Variants in CADM1 observed in about 807,000 individuals in gnomAD.
CADM1 encodes the protein TSLC-1.
Under a neutral mutation model 53.1 loss-of-function variants are expected in CADM1, and 15 were observed. The observed-to-expected ratio is 0.28, with a 90% CI of 0.19 to 0.44. CADM1 has a LOEUF of 0.44. Among genes scored for constraint, CADM1 ranks in the 20% least tolerant of loss-of-function variants. CADM1 has a pLI of 1.00. For missense variants in CADM1, 434 were observed against 611.3 expected, an observed-to-expected ratio of 0.71 and a Z score of 3.06; for synonymous variants, 281 against 243.0, an observed-to-expected ratio of 1.16 and a Z score of -1.45.
intron 1 of CADM1, among the ~76,000 whole-genome samples, chr11:115,373,038 C>T (rs1358852252): frequency 6.6e-6 from 1 of 152,202 alleles, no homozygotes; most frequent in Non-Finnish European, 1.5e-5. Context: ...TTATCAAATG[C>T]AGAGTTGCCT....
At chr11:115,433,445 G>A (rs963701013) in intron 1 of CADM1, among the ~76,000 whole-genome samples, 1 of 152,042 alleles carries the variant, frequency 6.6e-6, no homozygotes. Context: ...TCACTCCAAG[G>A]GCAAACCTTT....
chr11:115,169,543 C>T lies in CADM1; in HGVS notation c.*6931G>A, dbSNP rs749958016. On this transcript the variant is annotated 3_prime_UTR_variant, in exon 12 of 12. Transcript: ENST00000331581. ...TGGCATTTTCCCTTCCTTGTCCAAA[C>T]GATAAAAGATTCATGTTCCTAATTG... The T allele has an allele frequency of 1.1e-4, 51 of 453,434 alleles. No homozygotes were observed. The highest frequency in any genetic ancestry group is 7.6e-4 in the African/African-American group (38 of 49,988). 28.1% of individuals were successfully genotyped at this position (453,434 alleles called of 1,614,324 possible). A position where few individuals can be genotyped will look rare whatever the true frequency, so the allele number is the denominator to read the frequency against.
intron 9 of CADM1, among the ~76,000 whole-genome samples, chr11:115,198,048 C>A (rs1446944032): frequency 2.0e-5 from 3 of 152,168 alleles, no homozygotes; most frequent in Admixed American, 6.5e-5. Flanking sequence ...AACAAAGCAA[C>A]TGGGCCTTTA....
intron 6 of CADM1, among the ~76,000 whole-genome samples, chr11:115,216,148 A>G (rs952301529): frequency 6.6e-6 from 1 of 152,220 alleles, no homozygotes; most frequent in African/African-American, 2.4e-5. Context: ...TTTAATGGCA[A>G]GTTAAATTAC....
At chr11:115,395,713 G>A (rs1228571244) in intron 1 of CADM1, among the ~76,000 whole-genome samples, 3 of 152,092 alleles carry the variant, frequency 2.0e-5, no homozygotes, top group Non-Finnish European at 2.9e-5. Context: ...ATAAGGGGAA[G>A]GATATTAAAA....
At chr11:115,302,172 G>A (rs1944243018) in intron 1 of CADM1, among the ~76,000 whole-genome samples, 1 of 151,942 alleles carries the variant, frequency 6.6e-6, no homozygotes, top group South Asian at 2.1e-4. Flanking sequence ...GTGGAAGGAG[G>A]GAGCGTATCA....
At chr11:115,340,218 A>G (rs1945391060) in intron 1 of CADM1, 1 of 152,124 alleles carries the variant, frequency 6.6e-6, no homozygotes, top group Non-Finnish European at 1.5e-5. Context: ...ATCTGTACAT[A>G]CCCAAAATGT....
intron 1 of CADM1, among the ~76,000 whole-genome samples, chr11:115,274,296 T>C (rs1246152045): frequency 6.6e-6 from 1 of 152,232 alleles, no homozygotes; most frequent in Non-Finnish European, 1.5e-5. Flanking sequence ...AATCACGGAA[T>C]GGCACAGGTG....
At chr11:115,447,351 T>C (rs1418232135) in intron 1 of CADM1, among the ~76,000 whole-genome samples, 1 of 152,182 alleles carries the variant, frequency 6.6e-6, no homozygotes, top group African/African-American at 2.4e-5. Flanking sequence ...TCTTTTCACC[T>C]GTAAAATGGG....
chr11:115,247,255 G>A (rs556119864), intron 1 of CADM1, among the ~76,000 whole-genome samples: 22 of 152,168 alleles, frequency 1.4e-4, no homozygotes, highest in African/African-American at 3.1e-4. Context: ...TTAAATACAC[G>A]TTGAAATGAC....
intron 1 of CADM1, among the ~76,000 whole-genome samples, chr11:115,425,149 T>C (rs564371880): frequency 5.3e-5 from 8 of 152,220 alleles, no homozygotes; most frequent in Non-Finnish European, 1.2e-4. Context: ...TGAATGTTTT[T>C]AAAAATCTAA....
At chr11:115,306,679 G>A (rs969713332) in intron 1 of CADM1, among the ~76,000 whole-genome samples, 3 of 151,902 alleles carry the variant, frequency 2.0e-5, no homozygotes, top group African/African-American at 7.2e-5. Context: ...CTTAAAATTA[G>A]TAAGCAAGAT....
At chr11:115,232,013 T>TAATAATAATAACAACAAC (rs576888198) in intron 3 of CADM1, among the ~76,000 whole-genome samples, 7 of 146,972 alleles carry the variant, frequency 4.8e-5, no homozygotes, top group African/African-American at 1.7e-4. Context: ...ATAATAATAA[T>TAATAATAATAACAACAAC]AACAACAACA....
chr11:115,218,883 G>A (rs1273025583), intron 5 of CADM1, among the ~76,000 whole-genome samples: 3 of 152,170 alleles, frequency 2.0e-5, no homozygotes, highest in Non-Finnish European at 4.4e-5. Context: ...GGGAGGTTCA[G>A]GGAATAGGGA....
intron 1 of CADM1, among the ~76,000 whole-genome samples, chr11:115,423,078 T>G (rs904920811): frequency 6.6e-6 from 1 of 152,020 alleles, no homozygotes; most frequent in Non-Finnish European, 1.5e-5. Context: ...AAGACAAAAG[T>G]CGAGGCCTTA....
At chr11:115,291,066 T>G (rs544222174) in intron 1 of CADM1, among the ~76,000 whole-genome samples, 5 of 152,268 alleles carry the variant, frequency 3.3e-5, no homozygotes, top group Non-Finnish European at 7.4e-5. Context: ...AGGATTACTA[T>G]AGCAACATAG....
intron 1 of CADM1, among the ~76,000 whole-genome samples, chr11:115,316,125 C>G (rs532429841): frequency 2.0e-5 from 3 of 152,196 alleles, no homozygotes; most frequent in African/African-American, 4.8e-5. Flanking sequence ...TTGTCATTTA[C>G]TGGACTAAGA....
Position 115,172,322 on chromosome 11 carries a change from T to C in CADM1, c.*4152A>G, listed in dbSNP as rs1362096038. 6.6e-6 allele frequency: 1 copy of C among 152,306 alleles called. No individual in the cohort carries two copies. Among genetic ancestry groups the C allele is most frequent in the Non-Finnish European group, 1.5e-5 (1 of 68,096 alleles). The allele number at this position is 152,306 out of a possible 1,614,324, so 9.4% of individuals were successfully genotyped here. On this transcript the variant is annotated 3_prime_UTR_variant, in exon 12 of 12. Transcript: ENST00000331581. ...GAGGTCACTGAAGTATCGAGTCCTC[T>C]GCCCGGACTTTTCAGTACAGCCACA...
At chr11:115,255,469 A>G (rs898545859) in intron 1 of CADM1, among the ~76,000 whole-genome samples, 2 of 152,224 alleles carry the variant, frequency 1.3e-5, no homozygotes, top group Non-Finnish European at 2.9e-5. Context: ...AGTGCATTTT[A>G]ACAAGAGACT....
Sources: gnomAD v4.1 joint callset for allele counts (sites outside exome capture counted in the v4.1 genomes callset) on GRCh38, gnomAD v4.1.1 for gene constraint, MANE v1.5 for transcripts, NCBI Gene and HGNC (gene_info 2026-07-23, HGNC 2026-07-21) for gene names.